Variants in SLC28A3 observed in about 807,000 individuals in gnomAD.
SLC28A3 encodes the protein solute carrier family 28 member 3.
In SLC28A3, 68 loss-of-function variants were observed where a neutral mutation model predicts 84.2. The ratio of observed to expected loss-of-function variants is 0.81; its 90% CI spans 0.66 to 0.99. SLC28A3 has a LOEUF of 0.99. Ranked by LOEUF, SLC28A3 falls within the 50% of genes least tolerant of loss-of-function variation. The pLI, the probability that SLC28A3 is intolerant of heterozygous loss-of-function variation, is 0.00. For missense variants in SLC28A3, 712 were observed against 841.5 expected (o/e 0.85, Z 1.90); for synonymous variants, 267 against 303.6 (o/e 0.88, Z 1.25).
At chr9:84,329,468 C>T (rs1320859537) in intron 1 of SLC28A3, among the ~76,000 whole-genome samples, 1 of 152,086 alleles carries the variant, frequency 6.6e-6, no homozygotes, top group Non-Finnish European at 1.5e-5. Flanking sequence ...ACATGTTAGG[C>T]CCAAACAAAT....
intron 1 of SLC28A3, among the ~76,000 whole-genome samples, chr9:84,323,021 T>A (rs1826428048): frequency 6.6e-6 from 1 of 152,158 alleles, no homozygotes; most frequent in African/African-American, 2.4e-5. Flanking sequence ...TTTGAGGTTT[T>A]ATTTATTTAT....
chr9:84,351,666 A>AAAATT, the SLC28A3 span, among the ~76,000 whole-genome samples: 3 of 151,440 alleles, frequency 2.0e-5, no homozygotes, highest in South Asian at 2.1e-4. Flanking sequence ...TCTCAAAAAA[A>AAAATT]AAATTAAATT....
intron 1 of SLC28A3, among the ~76,000 whole-genome samples, chr9:84,328,751 T>G (rs1370808586): frequency 6.6e-6 from 1 of 151,234 alleles, no homozygotes; most frequent in Non-Finnish European, 1.5e-5. Flanking sequence ...AGAGTGAGAC[T>G]CTAAAAACAA....
At chr9:84,279,418 A>AT in intron 16 of SLC28A3, 33 bp from the exon 17 acceptor site, 1 of 1,405,346 alleles carries the variant, frequency 7.1e-7, no homozygotes, top group Non-Finnish European at 9.3e-7. Context: ...TTTATTTATT[A>AT]TTTTTTAGTT....
the SLC28A3 span, among the ~76,000 whole-genome samples, chr9:84,346,590 C>A: frequency 6.6e-6 from 1 of 152,168 alleles, no homozygotes; most frequent in South Asian, 2.1e-4. Flanking sequence ...AAAATGTAAT[C>A]CTGGGAGGTT....
intron 4 of SLC28A3, among the ~76,000 whole-genome samples, chr9:84,304,827 G>A (rs1380289095): frequency 2.6e-5 from 4 of 152,150 alleles, no homozygotes; most frequent in Non-Finnish European, 5.9e-5. Flanking sequence ...TTCGAGACCA[G>A]CCCGGCCAAC....
At chr9:84,341,579 GTTTGGTTAATTCCAAAACC>G (rs1338399785), upstream of SLC28A3, among the ~76,000 whole-genome samples, 1 of 152,162 alleles carries the variant, frequency 6.6e-6, no homozygotes, top group African/African-American at 2.4e-5. Context: ...TCAAATTCAA[GTTTGGTTAATTCCAAAACC>G]TTTTATTACA....
chr9:84,338,823 C>T (rs1827064838), intron 1 of SLC28A3, among the ~76,000 whole-genome samples: 1 of 152,184 alleles, frequency 6.6e-6, no homozygotes, highest in Admixed American at 6.5e-5. Flanking sequence ...GATGTGCCAC[C>T]CTCCAAATGC....
At chr9:84,292,172 C>A (rs1408011039) in intron 10 of SLC28A3, among the ~76,000 whole-genome samples, 1 of 152,196 alleles carries the variant, frequency 6.6e-6, no homozygotes, top group Non-Finnish European at 1.5e-5. Context: ...TCTTGGTCTC[C>A]TCCATTGCCA....
intron 2 of SLC28A3, among the ~76,000 whole-genome samples, chr9:84,312,711 G>A (rs1826032690): frequency 6.6e-6 from 1 of 151,920 alleles, no homozygotes. Context: ...GCTAATTTTT[G>A]TATTTTTAGT....
the SLC28A3 span, among the ~76,000 whole-genome samples, chr9:84,363,211 C>G: frequency 6.6e-6 from 1 of 152,252 alleles, no homozygotes; most frequent in African/African-American, 2.4e-5. Context: ...GTCCCTAGGA[C>G]TAATCTGGGA....
At chr9:84,309,959 C>T (rs907929314) in intron 2 of SLC28A3, among the ~76,000 whole-genome samples, 2 of 152,136 alleles carry the variant, frequency 1.3e-5, no homozygotes, top group South Asian at 2.1e-4. Flanking sequence ...GGTATTTTCT[C>T]CTTTTCTTAA....
the SLC28A3 span, among the ~76,000 whole-genome samples, chr9:84,349,780 A>C: frequency 0.018 from 2,733 of 152,312 alleles, 42 homozygotes; most frequent in Middle Eastern, 0.058. Flanking sequence ...GGTTATAGGA[A>C]TGGCAGAATG....
intron 5 of SLC28A3, 36 bp downstream of exon 5, chr9:84,302,158 ACTATCT>A: frequency 1.3e-6 from 2 of 1,588,318 alleles, no homozygotes; most frequent in Non-Finnish European, 1.7e-6. Flanking sequence ...GGAAAGGACT[ACTATCT>A]CTCTTAACTG....
At chr9:84,328,633 C>T (rs1396136570) in intron 1 of SLC28A3, among the ~76,000 whole-genome samples, 2 of 152,136 alleles carry the variant, frequency 1.3e-5, no homozygotes, top group Admixed American at 1.3e-4. Flanking sequence ...GTGGTGGGCA[C>T]CTGTAACCCC....
At chr9:84,305,397 A>G (rs1825759726) in intron 3 of SLC28A3, 52 bp from the exon 4 acceptor site, 2 of 1,427,254 alleles carry the variant, frequency 1.4e-6, no homozygotes, top group African/African-American at 1.4e-5. Context: ...AAAACATGAA[A>G]TAAACTGCAT....
At chr9:84,318,487 G>C (rs58575708) in intron 1 of SLC28A3, among the ~76,000 whole-genome samples, 1,744 of 152,300 alleles carry the variant, frequency 0.011, 33 homozygotes, top group African/African-American at 0.039. Flanking sequence ...AGGGGAAAGA[G>C]AGGGAGTGCT....
At chr9:84,325,513 C>T (rs966371422) in intron 1 of SLC28A3, among the ~76,000 whole-genome samples, 1 of 152,212 alleles carries the variant, frequency 6.6e-6, no homozygotes, top group African/African-American at 2.4e-5. Flanking sequence ...AGACTTTTCA[C>T]AGACTGTGCT....
Position 84,292,659 on chromosome 9 carries a change from A to ACTTGTC in SLC28A3, c.1023+8_1023+9insGACAAG. ...ACAGATGTTTTGTTCTGTTGATATT[A>ACTTGTC]CAACTTACTTGTCCAACAAATATAT... On this transcript the variant is annotated intron_variant, in intron 10 of 17. Transcript: ENST00000376238. 6.2e-7 allele frequency: 1 copy of ACTTGTC among 1,603,014 alleles called. No individual in the cohort carries two copies. The highest frequency in any genetic ancestry group is 8.5e-7 in the Non-Finnish European group (1 of 1,173,580).
Sources: allele counts gnomAD v4.1 joint callset (sites outside exome capture counted in the v4.1 genomes callset), GRCh38; gene constraint gnomAD v4.1.1; transcripts MANE v1.5; gene names NCBI Gene and HGNC (gene_info 2026-07-23, HGNC 2026-07-21).